The following GSE1 variants were observed in gnomAD, a reference collection of about 807,000 sequenced individuals.
GSE1 encodes Gse1 coiled-coil protein, also known as genetic suppressor element 1.
In GSE1, 32 loss-of-function variants were observed where a neutral mutation model predicts 112.6. The ratio of observed to expected loss-of-function variants is 0.28; its 90% CI spans 0.21 to 0.38. GSE1 has a LOEUF of 0.38. Ranked by LOEUF, GSE1 falls within the 10% of genes least tolerant of loss-of-function variation. The pLI is 1.00. For synonymous variants in GSE1, 1,115 were observed against 735.6 expected, an observed-to-expected ratio of 1.52 and a Z score of -8.35; for missense variants, 2,348 against 1,699.2, an observed-to-expected ratio of 1.38 and a Z score of -6.71.
intron 2 of GSE1, among the ~76,000 whole-genome samples, chr16:85,461,561 C>T (rs1229862725): frequency 1.3e-5 from 2 of 152,126 alleles, no homozygotes; most frequent in Non-Finnish European, 2.9e-5. Flanking sequence ...TAATCTGTTG[C>T]GAGGGGTTCG....
At chr16:85,495,134 C>T (rs545924003) in intron 2 of GSE1, among the ~76,000 whole-genome samples, 3 of 152,126 alleles carry the variant, frequency 2.0e-5, no homozygotes, top group East Asian at 1.9e-4. Context: ...CTTTGTCCTT[C>T]GGGAGGAGGG....
chr16:85,225,117 C>A (rs997052451), intron 1 of GSE1, among the ~76,000 whole-genome samples: 1 of 151,544 alleles, frequency 6.6e-6, no homozygotes, highest in Admixed American at 6.6e-5. Flanking sequence ...GAGAGAGATT[C>A]CCTCTTAAAA....
chr16:85,466,741 ACAAGAGAG>A (rs1270612901), intron 2 of GSE1, among the ~76,000 whole-genome samples: 2 of 151,600 alleles, frequency 1.3e-5, no homozygotes, highest in Admixed American at 6.6e-5. Flanking sequence ...GGGAGAGCGC[ACAAGAGAG>A]CAAGAGAGAG....
At chr16:85,410,948 G>GGCC (rs1394671453) in intron 2 of GSE1, among the ~76,000 whole-genome samples, 1 of 49,750 alleles carries the variant, frequency 2.0e-5, no homozygotes, top group South Asian at 7.4e-4. Context: ...TTACACTCAG[G>GGCC]CCCCCGGATA....
chr16:85,171,616 A>C (rs2074359852), exon 1 of GSE1: 5 of 985,558 alleles, frequency 5.1e-6, no homozygotes, highest in Non-Finnish European at 6.0e-6. Flanking sequence ...TCTGGGGCTG[A>C]AGTCCGTGCG....
intron 1 of GSE1, among the ~76,000 whole-genome samples, chr16:85,264,071 A>T (rs548326138): frequency 8.5e-5 from 13 of 152,174 alleles, no homozygotes; most frequent in African/African-American, 2.9e-4. Flanking sequence ...CAGATACAGA[A>T]GGCGGGGAAT....
chr16:85,230,438 C>CA (rs1904275484), intron 1 of GSE1, among the ~76,000 whole-genome samples: 2 of 152,160 alleles, frequency 1.3e-5, no homozygotes, highest in Admixed American at 1.3e-4. Context: ...CTCACTCAAG[C>CA]AAAAGGGGGT....
intron 1 of GSE1, among the ~76,000 whole-genome samples, chr16:85,253,954 C>G (rs1906792722): frequency 6.6e-6 from 1 of 152,192 alleles, no homozygotes; most frequent in Non-Finnish European, 1.5e-5. Flanking sequence ...AGGTGGCAAA[C>G]ATGTCTGGAT....
chr16:85,549,533 G>T (rs570158288), intron 2 of GSE1, among the ~76,000 whole-genome samples: 42 of 152,354 alleles, frequency 2.8e-4, no homozygotes, highest in African/African-American at 9.9e-4. Flanking sequence ...GGGGCAGGCT[G>T]GGGATGCCTC....
At chr16:85,367,043 G>A (rs915396797) in intron 2 of GSE1, among the ~76,000 whole-genome samples, 4 of 152,332 alleles carry the variant, frequency 2.6e-5, no homozygotes, top group Admixed American at 6.5e-5. Flanking sequence ...GCCTTGGCCC[G>A]CCTGGCCACC....
chr16:85,354,135 C>G (rs151104073), intron 1 of GSE1, among the ~76,000 whole-genome samples: 95 of 152,320 alleles, frequency 6.2e-4, no homozygotes, highest in African/African-American at 2.2e-3. Flanking sequence ...GGGGACCCCT[C>G]CCCTTCTCAA....
chr16:85,461,120 G>A (rs750072496), intron 2 of GSE1, among the ~76,000 whole-genome samples: 1 of 152,230 alleles, frequency 6.6e-6, no homozygotes, highest in Non-Finnish European at 1.5e-5. Context: ...GTGGAGGACA[G>A]TTCCTGAAGG....
intron 2 of GSE1, among the ~76,000 whole-genome samples, chr16:85,454,286 G>A (rs1307966849): frequency 6.6e-6 from 1 of 152,238 alleles, no homozygotes; most frequent in Non-Finnish European, 1.5e-5. Context: ...CTCCGAGGCT[G>A]CCCCAGGCCC....
At chr16:85,198,864 G>A (rs557358106) in intron 1 of GSE1, among the ~76,000 whole-genome samples, 263 of 151,744 alleles carry the variant, frequency 1.7e-3, no homozygotes, top group African/African-American at 6.1e-3. Flanking sequence ...CTGCAGCCTC[G>A]ACTTCCTGGG....
At chr16:85,540,038 C>T (rs1408334897) in intron 2 of GSE1, among the ~76,000 whole-genome samples, 1 of 152,188 alleles carries the variant, frequency 6.6e-6, no homozygotes, top group Non-Finnish European at 1.5e-5. Flanking sequence ...TGTACAGGTG[C>T]CTATAATTCC....
At chr16:85,645,412 G>T (rs904411120) in intron 2 of GSE1, among the ~76,000 whole-genome samples, 1 of 152,132 alleles carries the variant, frequency 6.6e-6, no homozygotes, top group African/African-American at 2.4e-5. Context: ...CTATCCAGTT[G>T]TGCAGGTTGC....
At chr16:85,564,274 AGGAG>A (rs1407259459) in intron 1 of GSE1, among the ~76,000 whole-genome samples, 2 of 152,252 alleles carry the variant, frequency 1.3e-5, no homozygotes, top group Admixed American at 1.3e-4. Flanking sequence ...TAACACAGTG[AGGAG>A]GGAGGAACAG....
chr16:85,615,388 G>A (rs1401295697), intron 1 of GSE1, among the ~76,000 whole-genome samples: 1 of 152,242 alleles, frequency 6.6e-6, no homozygotes, highest in African/African-American at 2.4e-5. Context: ...GCCCCGTGTC[G>A]GCAGCGTTCC....
chr16:85,354,406 C>T (rs763614354), intron 1 of GSE1, among the ~76,000 whole-genome samples: 1 of 152,264 alleles, frequency 6.6e-6, no homozygotes, highest in Non-Finnish European at 1.5e-5. Flanking sequence ...CAGTGCCTGG[C>T]ACATAGTAGG....
Sources: gnomAD v4.1 joint callset for allele counts (sites outside exome capture counted in the v4.1 genomes callset) on GRCh38, gnomAD v4.1.1 for gene constraint, MANE v1.5 for transcripts, NCBI Gene and HGNC (gene_info 2026-07-23, HGNC 2026-07-21) for gene names.